SAMMSON: variants seen among roughly 807,000 people sequenced by gnomAD.
SAMMSON encodes the protein survival associated mitochondrial melanoma specific oncogenic non-coding RNA, also known as long intergenic non-protein coding RNA 1212.
At chr3:70,089,241 C>T (rs1012356329) in intron 4 of SAMMSON, among the ~76,000 whole-genome samples, 7 of 152,106 alleles carry the variant, frequency 4.6e-5, no homozygotes, top group Non-Finnish European at 8.8e-5. Context: ...TAAGCTAATA[C>T]ATATATACTG....
At chr3:70,209,546 A>T (rs926138971) in intron 4 of SAMMSON, among the ~76,000 whole-genome samples, 1 of 152,134 alleles carries the variant, frequency 6.6e-6, no homozygotes, top group Non-Finnish European at 1.5e-5. Flanking sequence ...TAGCAGATGA[A>T]TGAAGGTAAC....
At chr3:70,209,015 G>A (rs2106726549) in intron 4 of SAMMSON, among the ~76,000 whole-genome samples, 1 of 152,156 alleles carries the variant, frequency 6.6e-6, no homozygotes, top group Admixed American at 6.5e-5. Context: ...AGAACACTAG[G>A]CTTCCTCTAA....
chr3:70,219,076 ACCAAATAGTCATTATAGTCAAGGCTTT>A (rs1431833338), intron 4 of SAMMSON, among the ~76,000 whole-genome samples: 4 of 152,212 alleles, frequency 2.6e-5, no homozygotes, highest in African/African-American at 9.6e-5. Flanking sequence ...ATTTCTAAAC[ACCAAATAGTCATTATAGTCAAGGCTTT>A]CAAGTTTAAG....
At chr3:70,239,381 G>C (rs775482544) in intron 4 of SAMMSON, among the ~76,000 whole-genome samples, 2 of 152,090 alleles carry the variant, frequency 1.3e-5, no homozygotes. Flanking sequence ...AGTTCTCAAC[G>C]CTTCTCCACC....
rs1575633568 is a variant in SAMMSON, at chr3:70,361,325, G to A, written n.913+3001G>A. On this transcript the variant is annotated intron_variant and non_coding_transcript_variant, in intron 9 of 9. Coordinates refer to ENST00000642114, the Ensembl canonical transcript of SAMMSON. ...TGGCTAACTGAATGCAGTCACATCC[G>A]ACATTTCTAGATTACCAATTTTCAA... Among the ~76,000 whole-genome samples, 7 of 152,144 alleles carry A rather than the reference G, an allele frequency of 4.6e-5. 1 individual carries two copies. Among genetic ancestry groups the A allele is most frequent in the Admixed American group, 4.6e-4 (7 of 15,276 alleles).
At chr3:70,084,884 A>G (rs1305587256) in intron 4 of SAMMSON, 1 of 152,204 alleles carries the variant, frequency 6.6e-6, no homozygotes, top group African/African-American at 2.4e-5. Context: ...ATAGTATGGT[A>G]AAACAACTAA....
At chr3:70,207,503 A>G (rs939123195) in intron 4 of SAMMSON, among the ~76,000 whole-genome samples, 3 of 152,064 alleles carry the variant, frequency 2.0e-5, no homozygotes, top group Admixed American at 6.6e-5. Flanking sequence ...AGAGCCATAG[A>G]GAAGGCTGAG....
intron 4 of SAMMSON, among the ~76,000 whole-genome samples, chr3:70,186,697 C>T (rs1701094717): frequency 2.0e-5 from 3 of 152,206 alleles, no homozygotes; most frequent in Non-Finnish European, 4.4e-5. Context: ...AAAGGAGCCC[C>T]CAAGAAGCTT....
chr3:70,264,824 G>A (rs995816773), intron 6 of SAMMSON, among the ~76,000 whole-genome samples: 1 of 152,136 alleles, frequency 6.6e-6, no homozygotes, highest in Non-Finnish European at 1.5e-5. Flanking sequence ...TAGGGACATC[G>A]GGGATGTATT....
chr3:70,159,304 T>A (rs1348489695), intron 4 of SAMMSON, among the ~76,000 whole-genome samples: 1 of 151,982 alleles, frequency 6.6e-6, no homozygotes, highest in Admixed American at 6.6e-5. Context: ...TAGGTATATC[T>A]CCTAATGCTA....
At chr3:70,386,589 A>G (rs1056473960) in intron 9 of SAMMSON, among the ~76,000 whole-genome samples, 15 of 152,070 alleles carry the variant, frequency 9.9e-5, no homozygotes, top group Non-Finnish European at 1.5e-5. Flanking sequence ...GCTCATGTTA[A>G]GTTTTTGGCA....
exon 10 of SAMMSON, chr3:70,389,635 C>G (rs1701027314): frequency 6.6e-6 from 1 of 152,076 alleles, no homozygotes; most frequent in Non-Finnish European, 1.5e-5. Context: ...CTTTGTACAG[C>G]TGATGTGACA....
At chr3:70,370,918 A>G (rs1702963319) in intron 9 of SAMMSON, among the ~76,000 whole-genome samples, 1 of 152,066 alleles carries the variant, frequency 6.6e-6, no homozygotes, top group Non-Finnish European at 1.5e-5. Flanking sequence ...AGTTTTCCCT[A>G]GGTTTTCTTC....
Position 70,051,441 on chromosome 3 carries a change from CATTCT to C in SAMMSON, n.418-20033_418-20029del, listed in dbSNP as rs1428402464. 1.1e-4 allele frequency among the ~76,000 whole-genome samples: 16 copies of C among 142,068 alleles called. No homozygotes were observed. The East Asian group carries it at 3.7e-3, about 33-fold the overall frequency. 93.2% of individuals were successfully genotyped at this position (142,068 alleles called of 152,430 possible). A position where few individuals can be genotyped will look rare whatever the true frequency, so the allele number is the denominator to read the frequency against. ...TGCAAAAAGTAAGTGCGGTTTTTGC[CATTCT>C]AATGGCAAAAACCACAATTACTTTT... is the stretch of plus-strand genomic sequence containing the variant. On this transcript the variant is annotated intron_variant and non_coding_transcript_variant, in intron 3 of 9. Transcript: ENST00000642114.
intron 4 of SAMMSON, among the ~76,000 whole-genome samples, chr3:70,142,178 G>C (rs2067530203): frequency 6.6e-6 from 1 of 152,074 alleles, no homozygotes; most frequent in African/African-American, 2.4e-5. Context: ...TCCCACTGCT[G>C]GGTATCTACC....
At chr3:70,239,767 T>G (rs900513528) in intron 4 of SAMMSON, among the ~76,000 whole-genome samples, 1 of 152,138 alleles carries the variant, frequency 6.6e-6, no homozygotes, top group East Asian at 1.9e-4. Flanking sequence ...TATCGCCCTA[T>G]GTTATGATTA....
chr3:70,081,100 T>C lies in SAMMSON; in HGVS notation n.507+9535T>C, dbSNP rs149611062. The stretch of plus-strand genomic sequence containing the variant: ...GCACTCTAATTTCTTCATAGCTTTC[T>C]TTGTTGTTGTTTTGTTTTTGTTTTT... On this transcript the variant is annotated intron_variant and non_coding_transcript_variant, in intron 4 of 9. Transcript: ENST00000642114. Among the ~76,000 whole-genome samples, 250 of 152,266 alleles carry C rather than the reference T, an allele frequency of 1.6e-3. 2 individuals are homozygous for C. The highest frequency in any genetic ancestry group is 5.8e-3 in the African/African-American group (242 of 41,562).
intron 4 of SAMMSON, among the ~76,000 whole-genome samples, chr3:70,166,735 G>T (rs539918076): frequency 6.6e-6 from 1 of 151,970 alleles, no homozygotes; most frequent in African/African-American, 2.4e-5. Context: ...AATTGCCTGT[G>T]ACAATTTTCT....
At chr3:70,295,531 C>T (rs888165120) in intron 7 of SAMMSON, among the ~76,000 whole-genome samples, 2 of 151,854 alleles carry the variant, frequency 1.3e-5, no homozygotes, top group African/African-American at 2.4e-5. Context: ...AGTGAGATCC[C>T]GTCTCTACAA....
Sources: gnomAD v4.1 joint callset for allele counts (sites outside exome capture counted in the v4.1 genomes callset) on GRCh38, gnomAD v4.1.1 for gene constraint, MANE v1.5 for transcripts, NCBI Gene and HGNC (gene_info 2026-07-23, HGNC 2026-07-21) for gene names.